Variants in LRRC43 observed in about 807,000 individuals in gnomAD.
LRRC43 encodes the protein leucine-rich repeat-containing protein 43.
A neutral mutation model predicts 64.3 loss-of-function variants in LRRC43; 62 were observed. The ratio of observed to expected loss-of-function variants is 0.96; its 90% confidence interval spans 0.79 to 1.19. LRRC43 has a LOEUF of 1.19. Among genes scored for constraint, LRRC43 ranks in the 50% most tolerant of loss-of-function variants. The pLI is 0.00. For missense variants in LRRC43, 868 were observed against 845.0 expected, an observed-to-expected ratio of 1.03 and a Z score of -0.34; for synonymous variants, 422 against 382.3, an observed-to-expected ratio of 1.10 and a Z score of -1.21.
rs760072558 is a variant in LRRC43, at chr12:122,172,771, G to A, written c.-406+4989G>A. 46 of 1,542,842 alleles carry A rather than the reference G, an allele frequency of 3.0e-5. No homozygotes were observed. The South Asian group carries it at 4.2e-4, about 14-fold the overall frequency. ...GGAATGAGGAGAAATGGTCAGTGTTGGGTTTGCAATGACAGCTGCAAGTCT... is the reference window on the plus strand; with the variant it reads ...GGAATGAGGAGAAATGGTCAGTGTTAGGTTTGCAATGACAGCTGCAAGTCT... On this transcript the variant is annotated intron_variant, in intron 1 of 5. Coordinates refer to the LRRC43 transcript ENST00000537729.
chr12:122,178,020 T>C lies in LRRC43; in HGVS notation c.-405-6499T>C, dbSNP rs1953552355. Among the ~76,000 whole-genome samples, 5 of 151,786 alleles carry C rather than the reference T, an allele frequency of 3.3e-5. No individual in the cohort carries two copies. In the South Asian group the frequency reaches 1.0e-3, roughly 32 times the overall value. ...GCCTGGTTAATTTTTGTATTTTTTG[T>C]AGAGACAGGGTTTTGCCATGTTGTC... On this transcript the variant is annotated intron_variant, in intron 1 of 5. Transcript: ENST00000537729.
At chr12:122,173,909 G>T (rs908249389) in intron 1 of LRRC43, 10 of 1,613,984 alleles carry the variant, frequency 6.2e-6, no homozygotes, top group Admixed American at 3.3e-5. Flanking sequence ...TCATCACTTG[G>T]TCGTAGTAAA....
intron 1 of LRRC43, among the ~76,000 whole-genome samples, chr12:122,175,178 C>CTTTCT (rs1464808413): frequency 6.7e-6 from 1 of 148,766 alleles, no homozygotes; most frequent in African/African-American, 2.5e-5. Context: ...TTCTTTCTTT[C>CTTTCT]TTTTTTTTTG....
At chr12:122,192,277 C>CGT (rs1953727055) in intron 6 of LRRC43, among the ~76,000 whole-genome samples, 1 of 152,230 alleles carries the variant, frequency 6.6e-6, no homozygotes, top group Non-Finnish European at 1.5e-5. Context: ...GCTGGGATTA[C>CGT]AGGCTCGCGC....
In LRRC43 at chr12:122,186,164, C is replaced by T. The variant is rs749711177; in HGVS notation, c.412-26C>T. 1.0e-5 allele frequency: 14 copies of T among 1,342,728 alleles called. No individual in the cohort carries two copies. In the African/African-American group the frequency reaches 1.9e-4, roughly 18 times the overall value. 83.2% of individuals were successfully genotyped at this position (1,342,728 alleles called of 1,614,324 possible). On this transcript the variant is annotated intron_variant, in intron 2 of 11. Coordinates refer to ENST00000339777, the MANE Select transcript of LRRC43 (RefSeq NM_001098519.2). ...CCCGTGCTCCCTCTCCTGCTACAGC[C>T]CTCAGCTTCCTCTCCCCTCTTCCAG...
intron 7 of LRRC43, among the ~76,000 whole-genome samples, chr12:122,199,804 G>A (rs1004444927): frequency 6.6e-6 from 1 of 151,898 alleles, no homozygotes; most frequent in Non-Finnish European, 1.5e-5. Context: ...AGCTGCTCTC[G>A]AACTCCTTGG....
chr12:122,189,585 G>A (rs913175752), intron 4 of LRRC43: 4 of 428,736 alleles, frequency 9.3e-6, no homozygotes, highest in Middle Eastern at 3.8e-4. Flanking sequence ...CTCTTTGCAG[G>A]CCCCTCCCAG....
intron 1 of LRRC43, among the ~76,000 whole-genome samples, chr12:122,174,767 C>T (rs747026391): frequency 6.6e-6 from 1 of 152,104 alleles, no homozygotes; most frequent in Admixed American, 6.6e-5. Flanking sequence ...CTCCATCGTG[C>T]CTCTGCAATC....
intron 4 of LRRC43, 44 bp downstream of exon 4, chr12:122,187,884 T>G: frequency 6.2e-7 from 1 of 1,607,280 alleles, no homozygotes; most frequent in South Asian, 1.1e-5. Flanking sequence ...AGGGATTAAG[T>G]ATCAGGTTGG....
intron 11 of LRRC43, 50 bp downstream of exon 11, chr12:122,201,379 C>CTGA: frequency 6.3e-7 from 1 of 1,584,630 alleles, no homozygotes; most frequent in Non-Finnish European, 8.7e-7. Context: ...GGAGGACCTG[C>CTGA]TGAGGGCCAG....
At position 122,203,337 on chromosome 12, in the gene LRRC43, G is replaced by A. The variant is rs778478524; in HGVS notation, c.1866G>A (p.Pro622=). Reference sequence around the variant, plus strand: ...CAGAAAAGCCGAAAGCCGTGATTCCGATCTACGAAGGCGATTACCACCCTG... The same window carrying A: ...CAGAAAAGCCGAAAGCCGTGATTCCAATCTACGAAGGCGATTACCACCCTG... The part of the protein sequence containing the change: ...AKKEKPKAVI[P]IYEGDYHPEP... Residue 622 remains proline, a synonymous_variant, in exon 12 of 12, where the codon CCG becomes CCA. Coordinates refer to ENST00000339777, the MANE Select transcript of LRRC43 (RefSeq NM_001098519.2). The A allele has an allele frequency of 1.2e-6, 2 of 1,612,942 alleles. No homozygotes were observed. The highest frequency in any genetic ancestry group is 8.5e-7 in the Non-Finnish European group (1 of 1,179,880).
intron 7 of LRRC43, 34 bp downstream of exon 7, chr12:122,193,038 C>CT: frequency 6.2e-7 from 1 of 1,608,328 alleles, no homozygotes; most frequent in East Asian, 2.2e-5. Flanking sequence ...GGCAAGTGGT[C>CT]AGAGCAGTAG....
chr12:122,172,318 A>T, intron 1 of LRRC43: 1 of 890,208 alleles, frequency 1.1e-6, no homozygotes, highest in Non-Finnish European at 1.8e-6. Context: ...GGAAAAATGT[A>T]CTTAAGGAAT....
At chr12:122,181,276 G>T (rs1282735554), upstream of LRRC43, among the ~76,000 whole-genome samples, 5 of 151,894 alleles carry the variant, frequency 3.3e-5, no homozygotes, top group African/African-American at 1.2e-4. Context: ...GGGCCCGGTG[G>T]CTCATGCATG....
At chr12:122,198,362 C>T (rs548568272) in intron 7 of LRRC43, among the ~76,000 whole-genome samples, 5 of 152,194 alleles carry the variant, frequency 3.3e-5, no homozygotes, top group East Asian at 3.9e-4. Flanking sequence ...CACAGAGTTG[C>T]GCAACCATTA....
At chr12:122,189,976 C>G in intron 4 of LRRC43, 154 bp from the exon 5 acceptor site, 1 of 704,160 alleles carries the variant, frequency 1.4e-6, no homozygotes, top group South Asian at 1.6e-5. Flanking sequence ...TCGTTCCCGA[C>G]CCGGGGTTAA....
chr12:122,183,553 C>T (rs1466841568), intron 1 of LRRC43, among the ~76,000 whole-genome samples: 1 of 152,200 alleles, frequency 6.6e-6, no homozygotes, highest in Non-Finnish European at 1.5e-5. Context: ...GTCAACACCC[C>T]AGATTTCTAG....
chr12:122,200,303 G>A lies in LRRC43; in HGVS notation c.1464G>A (p.Gly488=), dbSNP rs778590277. The part of the protein sequence containing the change: ...LVPLKAFLLA[G]TTVTIVEEKI... ...CACTGAAGGCCTTCCTGCTGGCGGG[G>A]ACCACCGTGACCATCGTGGAGGAGA... The change falls in exon 8 of 12, where the codon GGG becomes GGA. Residue 488 remains glycine (G), a synonymous_variant. Transcript: ENST00000339777. This position sits in a 1 kb window ranked among gnomAD's most constrained non-coding sequence, Gnocchi z 4.6. 2.5e-6 allele frequency: 4 copies of A among 1,611,638 alleles called. No homozygotes were observed. The highest frequency in any genetic ancestry group is 1.7e-5 in the Admixed American group (1 of 60,016).
At chr12:122,167,805 A>G (rs4372487) in intron 1 of LRRC43, 67,346 of 150,576 alleles carry the variant, frequency 0.45, 15,475 homozygotes, top group East Asian at 0.69. Flanking sequence ...GAGAAACTGA[A>G]TTTTTTTAAA....
Sources: allele counts gnomAD v4.1 joint callset (sites outside exome capture counted in the v4.1 genomes callset), GRCh38; gene constraint gnomAD v4.1.1; non-coding constraint Gnocchi (gnomAD v3.1); transcripts MANE v1.5; gene names NCBI Gene and HGNC (gene_info 2026-07-23, HGNC 2026-07-21).